Variants in RIMS1 observed in about 807,000 individuals in gnomAD.
The protein encoded by RIMS1 is regulating synaptic membrane exocytosis 1.
RIMS1 carries 83 observed loss-of-function variants against 214.1 expected under a neutral mutation model. That is an observed-to-expected ratio of 0.39 (90% CI 0.32 to 0.47). The LOEUF (loss-of-function observed/expected upper bound fraction) is 0.47, where lower values mean the gene tolerates loss of function less well. Among genes scored for constraint, RIMS1 ranks in the 20% least tolerant of loss-of-function variants. The probability of loss-of-function intolerance (pLI) is 0.99; values close to 1 mark genes in which losing one functional copy is unlikely to be tolerated. For missense variants in RIMS1, 2,050 were observed against 2,161.8 expected, an observed-to-expected ratio of 0.95 and a Z score of 1.03; for synonymous variants, 793 against 786.8, an observed-to-expected ratio of 1.01 and a Z score of -0.13.
intron 1 of RIMS1, among the ~76,000 whole-genome samples, chr6:71,925,822 C>A (rs1184185212): frequency 6.6e-6 from 1 of 152,174 alleles, no homozygotes; most frequent in Admixed American, 6.5e-5. Context: ...GTGATTATGT[C>A]TTTGGACAAC....
intron 2 of RIMS1, among the ~76,000 whole-genome samples, chr6:72,032,768 A>G (rs535823787): frequency 6.6e-6 from 1 of 152,306 alleles, no homozygotes; most frequent in South Asian, 2.1e-4. Flanking sequence ...TCTATCTCAC[A>G]TGACCACTTA....
intron 6 of RIMS1, among the ~76,000 whole-genome samples, chr6:72,186,015 G>T (rs1409757779): frequency 6.6e-6 from 1 of 152,040 alleles, no homozygotes; most frequent in South Asian, 2.1e-4. Context: ...CTTTTCTATT[G>T]CTTACTTTAT....
chr6:71,896,136 T>G (rs934910167), intron 1 of RIMS1, among the ~76,000 whole-genome samples: 1 of 152,214 alleles, frequency 6.6e-6, no homozygotes, highest in Non-Finnish European at 1.5e-5. Context: ...TTTTAGATAT[T>G]GAAATTTTAG....
At chr6:72,145,413 G>GTCCA (rs1488007601) in intron 4 of RIMS1, among the ~76,000 whole-genome samples, 2 of 152,112 alleles carry the variant, frequency 1.3e-5, no homozygotes, top group South Asian at 2.1e-4. Flanking sequence ...AACAGATCAA[G>GTCCA]TCCACCTGGT....
At chr6:72,384,960 C>T (rs2098558405) in intron 29 of RIMS1, among the ~76,000 whole-genome samples, 1 of 152,146 alleles carries the variant, frequency 6.6e-6, no homozygotes, top group African/African-American at 2.4e-5. Flanking sequence ...AAAGAGTTCA[C>T]CTGTAAATAT....
chr6:72,008,358 A>G lies in RIMS1; in HGVS notation c.245+39295A>G, dbSNP rs200478265. Among the ~76,000 whole-genome samples, 8 of 152,344 alleles carry G rather than the reference A, an allele frequency of 5.3e-5. No individual in the cohort carries two copies. In the East Asian group the frequency reaches 1.5e-3, roughly 29 times the overall value. ...CGGAAAGAAACAACTGGTACCAGCC[A>G]CTGCAAAAACATGTCAAATTGTAAA... On this transcript the variant is annotated intron_variant, in intron 2 of 33. Transcript: ENST00000521978.
intron 19 of RIMS1, among the ~76,000 whole-genome samples, 197 bp from the exon 20 acceptor site, chr6:72,264,778 G>A (rs954904930): frequency 6.6e-6 from 1 of 152,012 alleles, no homozygotes; most frequent in Admixed American, 6.6e-5. Context: ...AGTATTTTAT[G>A]AAGTCAAGTG....
At position 72,331,739 on chromosome 6, in the gene RIMS1, AT is replaced by A. The variant is rs1391944490; in HGVS notation, c.4131-1860del. On this transcript the variant is annotated intron_variant, in intron 28 of 33. Transcript: ENST00000521978. The stretch of plus-strand genomic sequence containing the variant: ...AATACTCTCATTTGTGTCTCAAAAA[AT>A]GTACATAAAATGCATAGCAAAATTA... Among the ~76,000 whole-genome samples, 4 of 152,034 alleles carry A rather than the reference AT, an allele frequency of 2.6e-5. No homozygotes were observed. In the East Asian group the frequency reaches 7.8e-4, roughly 30 times the overall value.
chr6:72,358,021 G>T (rs1595074304), intron 29 of RIMS1, among the ~76,000 whole-genome samples: 1 of 140,754 alleles, frequency 7.1e-6, no homozygotes, highest in Non-Finnish European at 1.6e-5. Context: ...TTCAAACACA[G>T]CTGGTGCCCG....
chr6:72,031,491 T>C (rs1818088949), intron 2 of RIMS1, among the ~76,000 whole-genome samples: 2 of 152,126 alleles, frequency 1.3e-5, no homozygotes, highest in South Asian at 2.1e-4. Flanking sequence ...ATTAAAAATA[T>C]AGAAAATGTT....
At chr6:72,179,469 T>C in intron 4 of RIMS1, 106 bp from the exon 5 acceptor site, 2 of 988,830 alleles carry the variant, frequency 2.0e-6, no homozygotes, top group Non-Finnish European at 3.1e-6. Flanking sequence ...CAAGGATAAA[T>C]ATGAAAATGA....
chr6:72,069,382 C>A (rs1029991919), intron 2 of RIMS1, among the ~76,000 whole-genome samples: 1 of 152,166 alleles, frequency 6.6e-6, no homozygotes. Context: ...TCCAGCTTCT[C>A]TAATAGAAGT....
intron 2 of RIMS1, among the ~76,000 whole-genome samples, chr6:72,023,087 G>T (rs1815230102): frequency 6.6e-6 from 1 of 151,924 alleles, no homozygotes. Flanking sequence ...AGTGATTTTT[G>T]AATTATTTTG....
intron 19 of RIMS1, chr6:72,263,815 A>ACACG (rs2079154263): frequency 1.1e-5 from 4 of 378,516 alleles, no homozygotes; most frequent in African/African-American, 8.8e-5. Flanking sequence ...ACACACACAC[A>ACACG]CACACACACA....
chr6:72,275,340 G>T (rs2085801074), intron 23 of RIMS1, among the ~76,000 whole-genome samples: 1 of 151,152 alleles, frequency 6.6e-6, no homozygotes, highest in Admixed American at 6.6e-5. Context: ...AATTAGTCAT[G>T]TAAATGTACA....
intron 6 of RIMS1, among the ~76,000 whole-genome samples, chr6:72,227,154 A>G (rs1327189956): frequency 6.6e-6 from 1 of 152,074 alleles, no homozygotes; most frequent in Non-Finnish European, 1.5e-5. Context: ...ATATTAGCAT[A>G]TAATGTTGAT....
At chr6:72,387,585 A>G (rs751165837) in intron 29 of RIMS1, among the ~76,000 whole-genome samples, 4 of 152,242 alleles carry the variant, frequency 2.6e-5, no homozygotes, top group African/African-American at 4.8e-5. Context: ...TACAATGGCC[A>G]TAGATGAAGT....
intron 2 of RIMS1, among the ~76,000 whole-genome samples, chr6:72,043,116 C>T (rs936774597): frequency 1.3e-5 from 2 of 151,042 alleles, no homozygotes; most frequent in East Asian, 1.9e-4. Flanking sequence ...TTATCTTAGA[C>T]TCTGTGCTGT....
At chr6:72,124,454 C>G (rs2039091606) in intron 4 of RIMS1, among the ~76,000 whole-genome samples, 1 of 151,714 alleles carries the variant, frequency 6.6e-6, no homozygotes. Context: ...ATGTGTGTGT[C>G]TTGGGGTTGC....
Sources: gnomAD v4.1 joint callset for allele counts (sites outside exome capture counted in the v4.1 genomes callset) on GRCh38, gnomAD v4.1.1 for gene constraint, MANE v1.5 for transcripts, NCBI Gene and HGNC (gene_info 2026-07-23, HGNC 2026-07-21) for gene names.